Variants in ZNF609 observed in about 807,000 individuals in gnomAD.
ZNF609 encodes zinc finger protein 609.
Under a neutral mutation model 109.5 loss-of-function variants are expected in ZNF609, and 11 were observed. The ratio of observed to expected loss-of-function variants is 0.10; its 90% CI spans 0.06 to 0.17. The LOEUF (loss-of-function observed/expected upper bound fraction) is 0.17. Ranked by LOEUF, ZNF609 falls within the 10% of genes least tolerant of loss-of-function variation. The probability of loss-of-function intolerance (pLI) is 1.00; values close to 1 mark genes in which losing one functional copy is unlikely to be tolerated. For missense variants in ZNF609, 1,559 were observed against 1,772.4 expected (o/e 0.88, Z 2.16); for synonymous variants, 646 against 662.0 (o/e 0.98, Z 0.37).
intron 3 of ZNF609, among the ~76,000 whole-genome samples, chr15:64,638,507 A>G (rs1417403341): frequency 1.3e-5 from 2 of 151,932 alleles, no homozygotes; most frequent in African/African-American, 4.8e-5. Flanking sequence ...TTATCCTTTT[A>G]CTTAAGCTAG....
At chr15:64,583,127 G>A (rs1199554026) in intron 2 of ZNF609, among the ~76,000 whole-genome samples, 4 of 150,812 alleles carry the variant, frequency 2.7e-5, no homozygotes, top group African/African-American at 4.9e-5. Flanking sequence ...TCTGCCTCCC[G>A]GGTTCAAGTA....
intron 3 of ZNF609, among the ~76,000 whole-genome samples, chr15:64,668,603 CTTGAGCCCGAGT>C (rs1896682840): frequency 6.6e-6 from 1 of 151,980 alleles, no homozygotes. Context: ...AAGAGGATAG[CTTGAGCCCGAGT>C]TTGAGCCCAA....
At chr15:64,545,883 A>G (rs1257613708) in intron 2 of ZNF609, among the ~76,000 whole-genome samples, 2 of 152,106 alleles carry the variant, frequency 1.3e-5, no homozygotes, top group African/African-American at 2.4e-5. Context: ...CATTGTATAG[A>G]TATACCACAT....
chr15:64,552,458 G>A (rs1036635389), intron 2 of ZNF609, among the ~76,000 whole-genome samples: 2 of 151,910 alleles, frequency 1.3e-5, no homozygotes, highest in African/African-American at 4.8e-5. Flanking sequence ...TGAAACCTCC[G>A]CTTCTCAGGT....
At chr15:64,635,591 T>C (rs1306871023) in intron 3 of ZNF609, among the ~76,000 whole-genome samples, 2 of 152,204 alleles carry the variant, frequency 1.3e-5, no homozygotes, top group East Asian at 3.8e-4. Flanking sequence ...TAGTCATTGG[T>C]TGTGATGAAA....
At chr15:64,483,249 C>T (rs994622635) in intron 1 of ZNF609, among the ~76,000 whole-genome samples, 1 of 152,162 alleles carries the variant, frequency 6.6e-6, no homozygotes, top group Non-Finnish European at 1.5e-5. Flanking sequence ...GCATGTGCCA[C>T]CACGCTCAGC....
intron 1 of ZNF609, among the ~76,000 whole-genome samples, chr15:64,470,831 G>T (rs1893081641): frequency 6.6e-6 from 1 of 152,136 alleles, no homozygotes; most frequent in Admixed American, 6.5e-5. Flanking sequence ...CTTTCAAGCA[G>T]TTTTAAGGAA....
chr15:64,590,481 C>G (rs986008581), intron 2 of ZNF609, among the ~76,000 whole-genome samples: 1 of 151,862 alleles, frequency 6.6e-6, no homozygotes, highest in South Asian at 2.1e-4. Flanking sequence ...GCCACCACAC[C>G]CAGCTAATTT....
intron 2 of ZNF609, among the ~76,000 whole-genome samples, chr15:64,582,406 CCCTT>C (rs1392950318): frequency 6.6e-6 from 1 of 152,200 alleles, no homozygotes; most frequent in Non-Finnish European, 1.5e-5. Flanking sequence ...TTTCACAACA[CCCTT>C]CCTCTGGAAT....
At chr15:64,621,790 A>C (rs1895880775) in intron 2 of ZNF609, among the ~76,000 whole-genome samples, 1 of 143,894 alleles carries the variant, frequency 6.9e-6, no homozygotes. Context: ...TTTTGAGACG[A>C]TCTCAGCTCA....
chr15:64,527,261 A>C (rs77625505), intron 2 of ZNF609, among the ~76,000 whole-genome samples: 12 of 149,054 alleles, frequency 8.1e-5, no homozygotes, highest in Non-Finnish European at 1.8e-4. Flanking sequence ...ACTAACGGCT[A>C]TCTGAGTCGT....
intron 2 of ZNF609, chr15:64,529,669 C>G (rs1421769111): frequency 1.3e-6 from 1 of 746,154 alleles, no homozygotes; most frequent in Non-Finnish European, 2.4e-6. Flanking sequence ...TCACCTTACC[C>G]ATGGTGTCTC....
At chr15:64,506,652 A>G (rs1893642461) in intron 2 of ZNF609, among the ~76,000 whole-genome samples, 1 of 151,692 alleles carries the variant, frequency 6.6e-6, no homozygotes, top group Non-Finnish European at 1.5e-5. Context: ...CCCGGGAGGC[A>G]GAGGTTGCAG....
At chr15:64,657,555 A>G (rs1033997685) in intron 3 of ZNF609, among the ~76,000 whole-genome samples, 2 of 152,174 alleles carry the variant, frequency 1.3e-5, no homozygotes, top group Non-Finnish European at 2.9e-5. Context: ...CGGAGGTTGC[A>G]GTGAGCTGAG....
chr15:64,532,576 C>T (rs1265460463), intron 2 of ZNF609, among the ~76,000 whole-genome samples: 1 of 152,134 alleles, frequency 6.6e-6, no homozygotes, highest in East Asian at 1.9e-4. Context: ...AGAGGCATTC[C>T]TCAGATATCT....
At chr15:64,555,902 A>AG (rs1245159593) in intron 2 of ZNF609, among the ~76,000 whole-genome samples, 3 of 151,280 alleles carry the variant, frequency 2.0e-5, no homozygotes, top group Non-Finnish European at 4.4e-5. Flanking sequence ...AAAAAAAAAA[A>AG]AAAAAAAAAG....
chr15:64,680,691 G>A lies in ZNF609; in HGVS notation c.3991G>A (p.Val1331Met). Residue 1331 changes from valine to methionine, a missense_variant, in exon 8 of 10, where the codon GTG (valine) becomes ATG (methionine). Around this residue, in one of 4 missense-constraint regions of ZNF609, gnomAD observed 1,204 missense variants for 1,314.1 expected, o/e 0.92. Transcript: ENST00000326648. ...GGAGAGAGATCGAGGAGGCTGTGGG[G>A]TGGTTGGGGGTGGTGGCAGCTGTAG... ...SQERDRGGCGVVGGGGSCSSV... is the reference protein window; with the variant it reads ...SQERDRGGCGMVGGGGSCSSV... 4 of 1,611,368 alleles carry A rather than the reference G, an allele frequency of 2.5e-6. No homozygotes were observed. The highest frequency in any genetic ancestry group is 3.4e-6 in the Non-Finnish European group (4 of 1,178,832).
intron 2 of ZNF609, among the ~76,000 whole-genome samples, chr15:64,503,517 A>G (rs576969487): frequency 5.3e-5 from 8 of 152,292 alleles, no homozygotes; most frequent in Non-Finnish European, 1.2e-4. Context: ...GACAGGCAAG[A>G]AAAAAGGAAT....
chr15:64,668,612 G>A (rs1247696050), intron 3 of ZNF609, among the ~76,000 whole-genome samples: 2 of 151,964 alleles, frequency 1.3e-5, no homozygotes, highest in East Asian at 3.9e-4. Context: ...GCTTGAGCCC[G>A]AGTTTGAGCC....
Sources: allele counts gnomAD v4.1 joint callset (sites outside exome capture counted in the v4.1 genomes callset), GRCh38; gene constraint gnomAD v4.1.1; regional missense constraint gnomAD v4.1.1; transcripts MANE v1.5; gene names NCBI Gene and HGNC (gene_info 2026-07-23, HGNC 2026-07-21).